The following PARD3 variants were observed in gnomAD, a reference collection of about 807,000 sequenced individuals.
PARD3 encodes par-3 family cell polarity regulator.
A neutral mutation model predicts 155.4 loss-of-function variants in PARD3; 75 were observed. That is an observed-to-expected ratio of 0.48 (90% confidence interval 0.40 to 0.58). PARD3 has a LOEUF of 0.58. PARD3 is among the 20% of genes least tolerant of loss of function. The pLI, the probability that PARD3 is intolerant of heterozygous loss-of-function variation, is 0.00. For synonymous variants in PARD3, 576 were observed against 610.5 expected (o/e 0.94, Z 0.83); for missense variants, 1,642 against 1,721.7 (o/e 0.95, Z 0.82).
At chr10:34,796,159 A>T (rs937671913) in intron 1 of PARD3, among the ~76,000 whole-genome samples, 5 of 152,190 alleles carry the variant, frequency 3.3e-5, no homozygotes, top group African/African-American at 1.2e-4. Context: ...ACAATAAACT[A>T]TGAACCTGAA....
chr10:34,438,025 C>G (rs2076275441), intron 5 of PARD3, among the ~76,000 whole-genome samples: 1 of 152,234 alleles, frequency 6.6e-6, no homozygotes, highest in Admixed American at 6.5e-5. Flanking sequence ...CTCTTACCCT[C>G]TGCCCCCTCA....
intron 2 of PARD3, among the ~76,000 whole-genome samples, chr10:34,558,532 G>A (rs1398606731): frequency 1.3e-5 from 2 of 152,174 alleles, no homozygotes; most frequent in African/African-American, 2.4e-5. Flanking sequence ...GCAAGAGGCT[G>A]AAGCTATATT....
intron 22 of PARD3, among the ~76,000 whole-genome samples, chr10:34,248,914 G>C (rs1954124920): frequency 6.6e-6 from 1 of 152,194 alleles, no homozygotes; most frequent in South Asian, 2.1e-4. Context: ...AATGTGAAGA[G>C]CAGCCTTAGT....
intron 21 of PARD3, among the ~76,000 whole-genome samples, chr10:34,280,844 A>G (rs1956122549): frequency 6.6e-6 from 1 of 152,174 alleles, no homozygotes; most frequent in African/African-American, 2.4e-5. Context: ...CTCTGTTCCT[A>G]TCTTGGTGAC....
At chr10:34,496,899 A>G (rs1429234131) in intron 3 of PARD3, among the ~76,000 whole-genome samples, 14 of 42,964 alleles carry the variant, frequency 3.3e-4, no homozygotes, top group Admixed American at 2.4e-3. Flanking sequence ...TAAAAATAGT[A>G]TACTATTTTT....
chr10:34,506,070 G>A (rs916739307), intron 3 of PARD3, among the ~76,000 whole-genome samples: 12 of 152,094 alleles, frequency 7.9e-5, no homozygotes, highest in Non-Finnish European at 1.5e-5. Context: ...AAGTCGCGGT[G>A]AGCCGAGATG....
At chr10:34,696,204 C>A in intron 2 of PARD3, 114 bp downstream of exon 2, 1 of 648,650 alleles carries the variant, frequency 1.5e-6, no homozygotes, top group Non-Finnish European at 2.8e-6. Context: ...GTGGGTGGCC[C>A]ACACATAATT....
rs1841988515 is a variant in PARD3 at position 34,382,827 on chromosome 10, T to G, written c.1112A>C (p.Gln371Pro). Residue 371 changes from glutamine (Q) to proline (P), a missense_variant, in exon 9 of 25, where the codon CAA (glutamine) becomes CCA (proline). Around this residue, in one of 3 missense-constraint regions of PARD3, gnomAD observed 1,529 missense variants for 1,587.3 expected, o/e 0.96. Coordinates refer to ENST00000374788, the MANE Select transcript of PARD3 (RefSeq NM_001184785.2). ...ANKEQYEQLSQSEKNNYYSSR... is the reference protein window; with the variant it reads ...ANKEQYEQLSPSEKNNYYSSR... ...TGAATAGTAATTGTTCTTCTCACTT[T>G]GGGATAGTTGTTCATACTGCTCTTT... 1.2e-6 allele frequency: 2 copies of G among 1,614,062 alleles called. No homozygotes were observed. The highest frequency in any genetic ancestry group is 1.7e-6 in the Non-Finnish European group (2 of 1,180,040).
chr10:34,485,918 GT>G (rs66906403), intron 3 of PARD3, among the ~76,000 whole-genome samples: 6,580 of 95,808 alleles, frequency 0.069, 104 homozygotes, highest in African/African-American at 0.15. Flanking sequence ...AACGTTTTGG[GT>G]TTTTTTTTTT....
At chr10:34,727,565 T>C (rs1043101011) in intron 1 of PARD3, among the ~76,000 whole-genome samples, 2 of 19,610 alleles carry the variant, frequency 1.0e-4, no homozygotes, top group African/African-American at 2.6e-4. Flanking sequence ...GAGATTGCTA[T>C]GTTTATTTTT....
chr10:34,246,428 G>A (rs1366780746), intron 22 of PARD3, among the ~76,000 whole-genome samples: 1 of 152,162 alleles, frequency 6.6e-6, no homozygotes, highest in East Asian at 1.9e-4. Flanking sequence ...CATCACCTTG[G>A]CTTTCTGGGC....
At chr10:34,356,075 G>A (rs1002265362) in intron 14 of PARD3, among the ~76,000 whole-genome samples, 2 of 152,004 alleles carry the variant, frequency 1.3e-5, no homozygotes, top group Non-Finnish European at 2.9e-5. Flanking sequence ...GAAAACTAGA[G>A]AGAGTACATA....
chr10:34,250,152 C>CT (rs1954213488), intron 22 of PARD3, among the ~76,000 whole-genome samples: 1 of 150,500 alleles, frequency 6.6e-6, no homozygotes, highest in African/African-American at 2.5e-5. Flanking sequence ...AACTGCTCCC[C>CT]CTCCACACAC....
At chr10:34,631,058 G>A (rs549986065) in intron 2 of PARD3, among the ~76,000 whole-genome samples, 26 of 151,640 alleles carry the variant, frequency 1.7e-4, no homozygotes, top group African/African-American at 5.1e-4. Context: ...CAAGTGATCC[G>A]CCTACATCAG....
chr10:34,515,839 C>T (rs1372773356), intron 3 of PARD3, among the ~76,000 whole-genome samples: 1 of 151,852 alleles, frequency 6.6e-6, no homozygotes, highest in Non-Finnish European at 1.5e-5. Context: ...ATTTTATTAA[C>T]ACATATTATT....
chr10:34,611,091 T>A (rs1378600382), intron 2 of PARD3, among the ~76,000 whole-genome samples: 1 of 152,208 alleles, frequency 6.6e-6, no homozygotes, highest in African/African-American at 2.4e-5. Context: ...ATGTTAACGA[T>A]GCATTCCAAA....
intron 22 of PARD3, among the ~76,000 whole-genome samples, chr10:34,139,174 GA>G (rs1948056537): frequency 6.6e-6 from 1 of 152,162 alleles, no homozygotes; most frequent in Non-Finnish European, 1.5e-5. Context: ...AGCACACATA[GA>G]AAGGAGAAGA....
chr10:34,236,911 A>C (rs894638440), intron 22 of PARD3, among the ~76,000 whole-genome samples: 1 of 152,176 alleles, frequency 6.6e-6, no homozygotes, highest in African/African-American at 2.4e-5. Flanking sequence ...AGCTCTTGGA[A>C]AATATTATTC....
intron 2 of PARD3, among the ~76,000 whole-genome samples, chr10:34,553,866 G>A (rs926313675): frequency 6.6e-6 from 1 of 152,228 alleles, no homozygotes; most frequent in African/African-American, 2.4e-5. Context: ...AGCAGATCCA[G>A]TGGCTGGCAT....
Sources: allele counts gnomAD v4.1 joint callset (sites outside exome capture counted in the v4.1 genomes callset), GRCh38; gene constraint gnomAD v4.1.1; regional missense constraint gnomAD v4.1.1; transcripts MANE v1.5; gene names NCBI Gene and HGNC (gene_info 2026-07-23, HGNC 2026-07-21).